The following RBFOX1 variants were observed in gnomAD, a reference collection of about 807,000 sequenced individuals.
The protein encoded by RBFOX1 is RNA binding fox-1 homolog 1, also known as RNA binding protein fox-1 homolog 1.
In RBFOX1, 8 loss-of-function variants were observed where a neutral mutation model predicts 57.7. The ratio of observed to expected loss-of-function variants is 0.14; its 90% confidence interval spans 0.08 to 0.25. The LOEUF (loss-of-function observed/expected upper bound fraction) is 0.25. Ranked by LOEUF, RBFOX1 falls within the 10% of genes least tolerant of loss-of-function variation. RBFOX1 has a pLI of 1.00. For missense variants in RBFOX1, 611 were observed against 548.5 expected, an observed-to-expected ratio of 1.11 and a Z score of -1.14; for synonymous variants, 326 against 222.4, an observed-to-expected ratio of 1.47 and a Z score of -4.15.
At chr16:7,098,692 G>A (rs1380713112) in intron 4 of RBFOX1, among the ~76,000 whole-genome samples, 1 of 152,012 alleles carries the variant, frequency 6.6e-6, no homozygotes, top group East Asian at 1.9e-4. Flanking sequence ...GCTCATGCCT[G>A]TAATCCTGGC....
rs557604439 is a variant in RBFOX1 at position 5,804,505 on chromosome 16, A to G, written c.319-62798A>G. The stretch of plus-strand genomic sequence containing the variant: ...TAGGGAGTCCCTGGGGTATTTCCTA[A>G]ACTGATAAATCTGAGGACAAATGAA... On this transcript the variant is annotated intron_variant, in intron 3 of 19. Coordinates refer to the RBFOX1 transcript ENST00000641259. Among the ~76,000 whole-genome samples, 24 of 152,284 alleles carry G rather than the reference A, an allele frequency of 1.6e-4. 1 individual carries two copies. The South Asian group carries it at 4.8e-3, about 30-fold the overall frequency.
At chr16:5,412,971 C>A (rs758479684) in intron 1 of RBFOX1, among the ~76,000 whole-genome samples, 4 of 152,196 alleles carry the variant, frequency 2.6e-5, no homozygotes, top group African/African-American at 9.6e-5. Flanking sequence ...CGCTGAAGGA[C>A]GCAGGTGGGG....
intron 3 of RBFOX1, among the ~76,000 whole-genome samples, chr16:6,673,328 C>T (rs952501258): frequency 6.6e-6 from 1 of 152,196 alleles, no homozygotes; most frequent in African/African-American, 2.4e-5. Flanking sequence ...TGGCTCATGC[C>T]TGTAATCCCA....
At chr16:7,223,751 C>T (rs1567780238) in intron 4 of RBFOX1, among the ~76,000 whole-genome samples, 1 of 149,682 alleles carries the variant, frequency 6.7e-6, no homozygotes, top group South Asian at 2.1e-4. Context: ...ATGAGCAAGG[C>T]AGGTGGATTT....
At chr16:6,082,358 T>A (rs2096015826) in intron 1 of RBFOX1, among the ~76,000 whole-genome samples, 1 of 133,656 alleles carries the variant, frequency 7.5e-6, no homozygotes, top group Non-Finnish European at 1.6e-5. Context: ...TTTTTTTTTT[T>A]TTTTTTTTTT....
At chr16:7,154,299 C>T (rs1387113099) in intron 4 of RBFOX1, among the ~76,000 whole-genome samples, 2 of 152,090 alleles carry the variant, frequency 1.3e-5, no homozygotes, top group African/African-American at 4.8e-5. Flanking sequence ...GTAAAAGAGA[C>T]AAGTGAAAGA....
At chr16:5,955,270 A>G (rs935470109) in intron 4 of RBFOX1, among the ~76,000 whole-genome samples, 1 of 147,040 alleles carries the variant, frequency 6.8e-6, no homozygotes, top group Non-Finnish European at 1.5e-5. Context: ...GACAAGAGTG[A>G]GACTCTGTCT....
intron 3 of RBFOX1, among the ~76,000 whole-genome samples, chr16:5,631,453 A>G (rs1043076968): frequency 1.3e-5 from 2 of 151,934 alleles, no homozygotes; most frequent in African/African-American, 4.8e-5. Context: ...GCTACTCGGG[A>G]GGCTGAGGCA....
rs114016128 is a variant in RBFOX1, at chr16:5,485,034, A to G, written c.258+17780A>G. 3.5e-3 allele frequency among the ~76,000 whole-genome samples: 530 copies of G among 151,452 alleles called. 5 individuals are homozygous for G. Among genetic ancestry groups the G allele is most frequent in the African/African-American group, 0.012 (509 of 41,300 alleles). ...TGATTATACCACTGCACTGCAACCTAGGTGAGAGCCTGTCTCAGAAAAAAA... is the reference window on the plus strand; with the variant it reads ...TGATTATACCACTGCACTGCAACCTGGGTGAGAGCCTGTCTCAGAAAAAAA... On this transcript the variant is annotated intron_variant, in intron 2 of 2. Transcript: ENST00000585867.
intron 4 of RBFOX1, among the ~76,000 whole-genome samples, chr16:7,404,762 T>G (rs1345376017): frequency 6.6e-6 from 1 of 152,212 alleles, no homozygotes; most frequent in Non-Finnish European, 1.5e-5. Context: ...TGATTCCTTG[T>G]TGTCACGTCT....
intron 2 of RBFOX1, among the ~76,000 whole-genome samples, chr16:5,559,823 C>T (rs1186196583): frequency 1.3e-5 from 2 of 152,156 alleles, no homozygotes; most frequent in South Asian, 2.1e-4. Context: ...AGGATGTGCA[C>T]GGACTAGCCC....
At chr16:6,721,619 C>T (rs1203214045) in intron 3 of RBFOX1, among the ~76,000 whole-genome samples, 1 of 152,166 alleles carries the variant, frequency 6.6e-6, no homozygotes, top group Non-Finnish European at 1.5e-5. Flanking sequence ...TCCTGGCAAC[C>T]ACCATTCCAC....
At chr16:7,578,538 T>A (rs2093505751) in intron 5 of RBFOX1, among the ~76,000 whole-genome samples, 1 of 152,188 alleles carries the variant, frequency 6.6e-6, no homozygotes, top group South Asian at 2.1e-4. Context: ...ATCTGAGTGT[T>A]TGTTTTGTAT....
intron 3 of RBFOX1, among the ~76,000 whole-genome samples, chr16:5,736,771 C>G (rs1302204469): frequency 3.3e-5 from 5 of 151,848 alleles, no homozygotes; most frequent in African/African-American, 1.2e-4. Context: ...CTGCCTTTCT[C>G]TCCATCTGTT....
intron 2 of RBFOX1, among the ~76,000 whole-genome samples, chr16:6,451,633 G>A (rs186520043): frequency 2.6e-5 from 4 of 152,102 alleles, no homozygotes; most frequent in African/African-American, 4.8e-5. Flanking sequence ...GTCATCTTTC[G>A]AGACTCAGCT....
At chr16:6,661,215 T>A (rs1400597885) in intron 3 of RBFOX1, among the ~76,000 whole-genome samples, 1 of 152,182 alleles carries the variant, frequency 6.6e-6, no homozygotes, top group Non-Finnish European at 1.5e-5. Context: ...CAGAAAAGTT[T>A]CAAGAGACTT....
rs147804748 is a variant in RBFOX1 at position 6,781,647 on chromosome 16, C to G, written c.-16+126997C>G. ...GTTTACTATTATTTCATGTTTCAATCTTTGTAGTTTTTTATGTCCAGGAAT... is the reference window on the plus strand; with the variant it reads ...GTTTACTATTATTTCATGTTTCAATGTTTGTAGTTTTTTATGTCCAGGAAT... On this transcript the variant is annotated intron_variant, in intron 3 of 15. Coordinates refer to ENST00000550418, the MANE Select transcript of RBFOX1 (RefSeq NM_018723.4). 5.5e-3 allele frequency among the ~76,000 whole-genome samples: 843 copies of G among 152,146 alleles called. 11 individuals are homozygous for G. The highest frequency in any genetic ancestry group is 0.019 in the African/African-American group (791 of 41,518).
At chr16:6,117,723 A>C (rs1339926545) in intron 1 of RBFOX1, among the ~76,000 whole-genome samples, 2 of 152,236 alleles carry the variant, frequency 1.3e-5, no homozygotes, top group Admixed American at 1.3e-4. Context: ...TTCTTTATAA[A>C]TTGCCCATTC....
rs561031523 is a variant in RBFOX1, at chr16:6,691,094, A to G, written c.-16+36444A>G. Among the ~76,000 whole-genome samples, 12 of 152,198 alleles carry G rather than the reference A, an allele frequency of 7.9e-5. 1 individual carries two copies. In the South Asian group the frequency reaches 2.3e-3, roughly 29 times the overall value. On this transcript the variant is annotated intron_variant, in intron 3 of 15. Coordinates refer to ENST00000550418, the MANE Select transcript of RBFOX1 (RefSeq NM_018723.4). ...AACATGACGATGTCACTGTGTCTTG[A>G]GAGATGTTGGGAAAAGTAAAAGGGA...
Sources: allele counts gnomAD v4.1 joint callset (sites outside exome capture counted in the v4.1 genomes callset), GRCh38; gene constraint gnomAD v4.1.1; transcripts MANE v1.5; gene names NCBI Gene and HGNC (gene_info 2026-07-23, HGNC 2026-07-21).